LRMDA: variants seen among roughly 807,000 people sequenced by gnomAD.
LRMDA encodes leucine-rich melanocyte differentiation-associated protein.
Under a neutral mutation model 29.8 loss-of-function variants are expected in LRMDA, and 18 were observed. The observed-to-expected ratio is 0.60, with a 90% CI of 0.42 to 0.90. The LOEUF is 0.90. Ranked by LOEUF, LRMDA falls within the 40% of genes least tolerant of loss-of-function variation. The pLI is 0.00. For missense variants in LRMDA, 273 were observed against 273.9 expected (o/e 1.00, Z 0.02); for synonymous variants, 125 against 109.4 (o/e 1.14, Z -0.89).
chr10:75,754,310 A>C (rs1271671913), intron 2 of LRMDA, among the ~76,000 whole-genome samples: 6 of 152,248 alleles, frequency 3.9e-5, no homozygotes, highest in Non-Finnish European at 7.3e-5. Context: ...GCTTGTAGCC[A>C]GGATGCCATG....
intron 5 of LRMDA, among the ~76,000 whole-genome samples, chr10:76,152,310 G>A (rs1191971212): frequency 3.3e-5 from 5 of 152,156 alleles, no homozygotes; most frequent in African/African-American, 1.2e-4. Context: ...ATTTGGCATA[G>A]TGTTTTCAAG....
intron 4 of LRMDA, among the ~76,000 whole-genome samples, chr10:76,048,129 C>T (rs1848471003): frequency 6.6e-6 from 1 of 152,162 alleles, no homozygotes; most frequent in South Asian, 2.1e-4. Context: ...CATAAGCTCT[C>T]ATTAAACACC....
At chr10:76,487,824 A>C (rs1199318336) in intron 6 of LRMDA, among the ~76,000 whole-genome samples, 1 of 151,920 alleles carries the variant, frequency 6.6e-6, no homozygotes, top group Non-Finnish European at 1.5e-5. Flanking sequence ...CTGAGATTTA[A>C]AACCCTGTGT....
intron 2 of LRMDA, among the ~76,000 whole-genome samples, chr10:75,706,439 G>A (rs909548595): frequency 6.6e-6 from 1 of 152,124 alleles, no homozygotes; most frequent in African/African-American, 2.4e-5. Context: ...AAAGTTTTGG[G>A]CTGTGTAGTT....
intron 5 of LRMDA, among the ~76,000 whole-genome samples, chr10:76,156,845 C>A (rs1211204044): frequency 1.3e-5 from 2 of 152,192 alleles, no homozygotes; most frequent in African/African-American, 4.8e-5. Flanking sequence ...AAGATACATT[C>A]TTTCTCCTGT....
intron 5 of LRMDA, among the ~76,000 whole-genome samples, chr10:76,273,218 A>T (rs1280541893): frequency 6.6e-6 from 1 of 152,156 alleles, no homozygotes; most frequent in Admixed American, 6.5e-5. Flanking sequence ...AAACCTTTTT[A>T]TCTGGCTTCA....
rs78351284 is a variant in LRMDA at position 75,491,228 on chromosome 10, T to A, written c.131+52734T>A. Among the ~76,000 whole-genome samples, 1,317 of 152,348 alleles carry A rather than the reference T, an allele frequency of 8.6e-3. 16 individuals carry two copies. Among genetic ancestry groups the A allele is most frequent in the African/African-American group, 0.025 (1,037 of 41,566 alleles). ...GTGTGTTGCTATAGCTCCCACCAACTGTTTTAAGATGTTTTGAGACTGTGC... is the reference window on the plus strand; with the variant it reads ...GTGTGTTGCTATAGCTCCCACCAACAGTTTTAAGATGTTTTGAGACTGTGC... On this transcript the variant is annotated intron_variant, in intron 2 of 6. Coordinates refer to ENST00000611255, the MANE Select transcript of LRMDA (RefSeq NM_001305581.2).
At chr10:76,493,056 G>T (rs917795187) in intron 6 of LRMDA, among the ~76,000 whole-genome samples, 2 of 151,966 alleles carry the variant, frequency 1.3e-5, no homozygotes. Context: ...AGGCCCCAGG[G>T]CTCTACAATC....
intron 2 of LRMDA, among the ~76,000 whole-genome samples, chr10:75,881,458 C>T (rs1000332342): frequency 1.3e-5 from 2 of 152,074 alleles, no homozygotes; most frequent in Non-Finnish European, 2.9e-5. Flanking sequence ...AACAAAAGGA[C>T]GAGAGGCTAC....
chr10:76,040,105 T>C (rs1722276257), intron 3 of LRMDA, among the ~76,000 whole-genome samples: 1 of 152,180 alleles, frequency 6.6e-6, no homozygotes, highest in Non-Finnish European at 1.5e-5. Context: ...GTAGTGGGGC[T>C]TAGTCTAGAA....
chr10:76,182,815 G>A (rs1056396667), intron 5 of LRMDA, among the ~76,000 whole-genome samples: 32 of 152,184 alleles, frequency 2.1e-4, no homozygotes, highest in Non-Finnish European at 4.3e-4. Context: ...TCTCAAGGGT[G>A]AAGACTGGAC....
intron 2 of LRMDA, among the ~76,000 whole-genome samples, chr10:75,776,860 G>A (rs2132239314): frequency 1.3e-5 from 2 of 152,356 alleles, no homozygotes; most frequent in Middle Eastern, 6.8e-3. Context: ...TGGCCGTGCT[G>A]TCAACCCCTG....
intron 2 of LRMDA, among the ~76,000 whole-genome samples, chr10:75,933,576 G>A (rs1421888214): frequency 2.6e-5 from 4 of 152,012 alleles, no homozygotes; most frequent in African/African-American, 9.7e-5. Flanking sequence ...ATACTGTAGG[G>A]CCAGTAATGT....
chr10:76,299,599 C>CTTT (rs369236399), intron 5 of LRMDA, among the ~76,000 whole-genome samples: 1 of 97,854 alleles, frequency 1.0e-5, no homozygotes, highest in Non-Finnish European at 2.1e-5. Context: ...ACCCCCCTTC[C>CTTT]TTTCTTTTTT....
At chr10:76,043,519 A>G (rs1343746704) in intron 3 of LRMDA, among the ~76,000 whole-genome samples, 1 of 151,750 alleles carries the variant, frequency 6.6e-6, no homozygotes, top group African/African-American at 2.4e-5. Context: ...TGATCTCCAC[A>G]GATTATAGTG....
intron 5 of LRMDA, among the ~76,000 whole-genome samples, chr10:76,226,704 G>T (rs905634284): frequency 6.6e-6 from 1 of 152,120 alleles, no homozygotes; most frequent in Non-Finnish European, 1.5e-5. Flanking sequence ...CAACATGTGG[G>T]GATTACAGTT....
intron 6 of LRMDA, among the ~76,000 whole-genome samples, chr10:76,409,209 TCTTTTC>T (rs1841933265): frequency 6.6e-6 from 1 of 152,210 alleles, no homozygotes; most frequent in Non-Finnish European, 1.5e-5. Context: ...ATTTTCGTAC[TCTTTTC>T]CTTTGAGCTT....
intron 2 of LRMDA, among the ~76,000 whole-genome samples, chr10:76,002,304 C>T (rs1343093496): frequency 6.6e-6 from 1 of 152,178 alleles, no homozygotes; most frequent in Non-Finnish European, 1.5e-5. Context: ...ACAAAGGTTC[C>T]ACTTCAAACT....
At chr10:76,345,065 T>TTTTTTC in intron 6 of LRMDA, among the ~76,000 whole-genome samples, 1 of 129,018 alleles carries the variant, frequency 7.8e-6, no homozygotes, top group African/African-American at 2.9e-5. Context: ...AAAACCTTTT[T>TTTTTTC]TTTTTTTTTT....
Sources: allele counts gnomAD v4.1 joint callset (sites outside exome capture counted in the v4.1 genomes callset), GRCh38; gene constraint gnomAD v4.1.1; transcripts MANE v1.5; gene names NCBI Gene and HGNC (gene_info 2026-07-23, HGNC 2026-07-21).